TRAPPC9: variants seen among roughly 807,000 people sequenced by gnomAD.
The protein encoded by TRAPPC9 is trafficking protein particle complex subunit 9.
Under a neutral mutation model 124.0 loss-of-function variants are expected in TRAPPC9, and 83 were observed. The observed-to-expected ratio is 0.67, with a 90% CI of 0.56 to 0.80. The LOEUF is 0.80. TRAPPC9 is among the 30% of genes least tolerant of loss of function. The probability of loss-of-function intolerance (pLI) is 0.00; values close to 1 mark genes in which losing one functional copy is unlikely to be tolerated. For synonymous variants in TRAPPC9, 638 were observed against 617.5 expected, an observed-to-expected ratio of 1.03 and a Z score of -0.49; for missense variants, 1,302 against 1,508.3, an observed-to-expected ratio of 0.86 and a Z score of 2.27.
intron 17 of TRAPPC9, among the ~76,000 whole-genome samples, chr8:140,129,691 T>C (rs1176848131): frequency 6.7e-6 from 1 of 149,068 alleles, no homozygotes; most frequent in Non-Finnish European, 1.5e-5. Context: ...AAGGAAGTTA[T>C]GGTGAGAGCC....
At chr8:139,760,629 T>C (rs1303477079) in intron 21 of TRAPPC9, among the ~76,000 whole-genome samples, 4 of 152,250 alleles carry the variant, frequency 2.6e-5, no homozygotes, top group Non-Finnish European at 4.4e-5. Context: ...CCTCCGTATC[T>C]GACAGGGCTC....
At chr8:139,835,548 C>T (rs1826279767) in intron 21 of TRAPPC9, among the ~76,000 whole-genome samples, 1 of 152,210 alleles carries the variant, frequency 6.6e-6, no homozygotes, top group Non-Finnish European at 1.5e-5. Flanking sequence ...GAGACATCCT[C>T]ACTAATAAAC....
At chr8:140,001,233 G>A (rs181562106) in intron 18 of TRAPPC9, among the ~76,000 whole-genome samples, 164 of 152,198 alleles carry the variant, frequency 1.1e-3, no homozygotes, top group African/African-American at 3.6e-3. Flanking sequence ...GGCCTGTCAC[G>A]CACACCAGGG....
chr8:140,365,755 C>A (rs1046833973), intron 8 of TRAPPC9, among the ~76,000 whole-genome samples: 1 of 152,238 alleles, frequency 6.6e-6, no homozygotes, highest in African/African-American at 2.4e-5. Context: ...TTTTTTGTAA[C>A]ATCTAATAAG....
At chr8:140,033,674 T>G (rs910914173) in intron 17 of TRAPPC9, among the ~76,000 whole-genome samples, 256 of 93,076 alleles carry the variant, frequency 2.8e-3, no homozygotes, top group Non-Finnish European at 4.5e-3. Context: ...TTTTTTTTTT[T>G]TTTTTTTTTT....
chr8:140,372,958 C>G (rs562721565), intron 7 of TRAPPC9, among the ~76,000 whole-genome samples: 2 of 152,314 alleles, frequency 1.3e-5, no homozygotes, highest in Admixed American at 1.3e-4. Flanking sequence ...AAATGGAGCC[C>G]AAATGCCTTC....
At chr8:140,222,136 G>A (rs907287804) in intron 16 of TRAPPC9, among the ~76,000 whole-genome samples, 5 of 152,162 alleles carry the variant, frequency 3.3e-5, no homozygotes, top group East Asian at 1.9e-4. Flanking sequence ...CTGCTGAGCC[G>A]CTCCTCAGGC....
intron 19 of TRAPPC9, among the ~76,000 whole-genome samples, chr8:139,929,007 G>A (rs532000284): frequency 6.6e-6 from 1 of 152,108 alleles, no homozygotes; most frequent in South Asian, 2.1e-4. Context: ...GGCGCGGGAG[G>A]GTGCCCAAGC....
At chr8:140,438,161 C>T (rs2070884590) in intron 3 of TRAPPC9, among the ~76,000 whole-genome samples, 1 of 152,152 alleles carries the variant, frequency 6.6e-6, no homozygotes. Flanking sequence ...TGTCACTTCC[C>T]ATTCCCCCTC....
At chr8:140,425,885 G>T (rs562417416) in intron 5 of TRAPPC9, among the ~76,000 whole-genome samples, 2 of 152,100 alleles carry the variant, frequency 1.3e-5, no homozygotes, top group Admixed American at 6.6e-5. Context: ...ACTTAGCCAC[G>T]GCCTAGAGAA....
chr8:140,272,388 T>C (rs118037898), intron 15 of TRAPPC9, among the ~76,000 whole-genome samples: 13,671 of 131,108 alleles, frequency 0.1, 1,586 homozygotes, highest in East Asian at 0.6. Context: ...GTGATGATGG[T>C]GATGGTGGCG....
intron 17 of TRAPPC9, among the ~76,000 whole-genome samples, chr8:140,157,588 A>C (rs2061676879): frequency 6.6e-6 from 1 of 152,232 alleles, no homozygotes. Flanking sequence ...CTAAGAATGC[A>C]ATTAAAATAA....
intron 17 of TRAPPC9, among the ~76,000 whole-genome samples, chr8:140,210,893 C>T (rs2063046216): frequency 1.3e-5 from 2 of 152,206 alleles, no homozygotes; most frequent in South Asian, 4.1e-4. Context: ...GTGTTTTCCT[C>T]GCCGCTGATG....
intron 17 of TRAPPC9, among the ~76,000 whole-genome samples, chr8:140,139,156 G>A (rs1467033626): frequency 6.6e-6 from 1 of 152,158 alleles, no homozygotes; most frequent in Non-Finnish European, 1.5e-5. Context: ...AGTCCAATGG[G>A]CACAGAAGGC....
At chr8:140,019,196 A>G (rs942021852) in intron 18 of TRAPPC9, among the ~76,000 whole-genome samples, 1 of 152,070 alleles carries the variant, frequency 6.6e-6, no homozygotes, top group Non-Finnish European at 1.5e-5. Flanking sequence ...TATATCACTG[A>G]AGTTGATTTG....
At chr8:139,768,412 C>T (rs1216151448) in intron 21 of TRAPPC9, among the ~76,000 whole-genome samples, 4 of 152,216 alleles carry the variant, frequency 2.6e-5, no homozygotes, top group Non-Finnish European at 4.4e-5. Context: ...TTGCCACCCA[C>T]CAGTGGTGGG....
intron 17 of TRAPPC9, among the ~76,000 whole-genome samples, chr8:140,085,359 G>A (rs1192212524): frequency 2.0e-5 from 3 of 146,946 alleles, no homozygotes; most frequent in East Asian, 4.0e-4. Flanking sequence ...AAAAAGGCTT[G>A]GAAACCACTG....
intron 21 of TRAPPC9, among the ~76,000 whole-genome samples, chr8:139,800,420 C>T (rs1286188056): frequency 2.0e-5 from 3 of 152,344 alleles, no homozygotes; most frequent in South Asian, 2.1e-4. Flanking sequence ...CACTGAGGGG[C>T]CAAGAGCAGG....
intron 17 of TRAPPC9, among the ~76,000 whole-genome samples, chr8:140,193,751 C>G (rs1228181290): frequency 6.6e-6 from 1 of 151,900 alleles, no homozygotes; most frequent in Non-Finnish European, 1.5e-5. Flanking sequence ...ACTTTGAGGT[C>G]AGGTGACCAA....
Sources: allele counts gnomAD v4.1 joint callset (sites outside exome capture counted in the v4.1 genomes callset), GRCh38; gene constraint gnomAD v4.1.1; transcripts MANE v1.5; gene names NCBI Gene and HGNC (gene_info 2026-07-23, HGNC 2026-07-21).